DOCK2: variants seen among roughly 807,000 people sequenced by gnomAD.
The protein encoded by DOCK2 is dedicator of cytokinesis protein 2.
A neutral mutation model predicts 248.9 loss-of-function variants in DOCK2; 87 were observed. The observed-to-expected ratio is 0.35, with a 90% CI of 0.29 to 0.42. The LOEUF is 0.42. DOCK2 is among the 10% of genes least tolerant of loss of function. The probability of loss-of-function intolerance (pLI) is 1.00; values close to 1 mark genes in which losing one functional copy is unlikely to be tolerated. For synonymous variants in DOCK2, 805 were observed against 821.6 expected (o/e 0.98, Z 0.35); for missense variants, 1,747 against 2,300.2 (o/e 0.76, Z 4.92).
At chr5:169,802,936 A>G in intron 25 of DOCK2, 122 bp from the exon 26 acceptor site, 2 of 1,236,484 alleles carry the variant, frequency 1.6e-6, no homozygotes, top group Non-Finnish European at 2.2e-6. Flanking sequence ...TAATATTTTA[A>G]TTTTTTACAA....
rs552129956 is a variant in DOCK2 at position 169,843,872 on chromosome 5, A to T, written c.2799+3020A>T. On this transcript the variant is annotated intron_variant, in intron 27 of 51. Transcript: ENST00000520908. Reference sequence around the variant, plus strand: ...TTTTGAGGTTTGTCCATATTTTAGGATATATCAGTACTTCATTTCTTTTCA... The same window carrying T: ...TTTTGAGGTTTGTCCATATTTTAGGTTATATCAGTACTTCATTTCTTTTCA... Among the ~76,000 whole-genome samples the T allele has an allele frequency of 3.3e-5, 5 of 152,316 alleles. No homozygotes were observed. The South Asian group carries it at 8.3e-4, about 25-fold the overall frequency.
Position 169,902,825 on chromosome 5 carries a change from C to T in DOCK2, c.2799+61973C>T, listed in dbSNP as rs569115117. ...CATAAAAGAAAGGGGTGAGGCCAGGCGTGGTGGCTCACGCCTGTAATCCCA... is the reference window on the plus strand; with the variant it reads ...CATAAAAGAAAGGGGTGAGGCCAGGTGTGGTGGCTCACGCCTGTAATCCCA... On this transcript the variant is annotated intron_variant, in intron 27 of 51. Transcript: ENST00000520908. 2.0e-4 allele frequency among the ~76,000 whole-genome samples: 31 copies of T among 152,204 alleles called. 1 individual carries two copies. Among genetic ancestry groups the T allele is most frequent in the African/African-American group, 6.0e-4 (25 of 41,552 alleles).
rs545367574 is a variant in DOCK2 at position 170,078,159 on chromosome 5, A to G, written c.4994+322A>G. ...CACCAAGCCTGCATCCTTCTGGAATATTGTCACCTCTCATAGGGATCTGTT... is the reference window on the plus strand; with the variant it reads ...CACCAAGCCTGCATCCTTCTGGAATGTTGTCACCTCTCATAGGGATCTGTT... On this transcript the variant is annotated intron_variant, in intron 48 of 51. Transcript: ENST00000520908. Among the ~76,000 whole-genome samples, 3 of 152,166 alleles carry G rather than the reference A, an allele frequency of 2.0e-5. No homozygotes were observed. In the East Asian group the frequency reaches 5.8e-4, roughly 29 times the overall value.
chr5:169,999,654 G>T (rs1284257803), intron 30 of DOCK2, among the ~76,000 whole-genome samples: 9 of 152,146 alleles, frequency 5.9e-5, no homozygotes. Context: ...GCTATTTATT[G>T]AAAAGTACCC....
At chr5:169,876,710 C>G (rs1050866449) in intron 27 of DOCK2, among the ~76,000 whole-genome samples, 1 of 152,238 alleles carries the variant, frequency 6.6e-6, no homozygotes, top group African/African-American at 2.4e-5. Context: ...GAACCAGTTA[C>G]ATAGAAGCCC....
At chr5:169,988,113 A>G (rs1321233749) in intron 29 of DOCK2, among the ~76,000 whole-genome samples, 1 of 152,244 alleles carries the variant, frequency 6.6e-6, no homozygotes, top group African/African-American at 2.4e-5. Context: ...CTAAAGAAGC[A>G]TGTGTTAATG....
intron 34 of DOCK2, among the ~76,000 whole-genome samples, chr5:170,031,022 T>G (rs1756117580): frequency 6.6e-6 from 1 of 152,236 alleles, no homozygotes; most frequent in African/African-American, 2.4e-5. Flanking sequence ...TATATAACCT[T>G]ACACAGCACT....
chr5:170,048,989 G>A (rs1286355901), intron 40 of DOCK2, among the ~76,000 whole-genome samples: 1 of 152,188 alleles, frequency 6.6e-6, no homozygotes, highest in African/African-American at 2.4e-5. Context: ...TGGGCCTGCA[G>A]GAGTGATTGC....
chr5:170,076,438 A>C (rs1313876701), intron 47 of DOCK2, among the ~76,000 whole-genome samples: 1 of 152,250 alleles, frequency 6.6e-6, no homozygotes, highest in Non-Finnish European at 1.5e-5. Flanking sequence ...CCTGAGAGGC[A>C]GGAAAGATTT....
Position 169,810,490 on chromosome 5 carries a change from G to C in DOCK2, c.2703+7284G>C, listed in dbSNP as rs183796597. 1.6e-4 allele frequency among the ~76,000 whole-genome samples: 24 copies of C among 152,300 alleles called. 1 individual carries two copies. Among genetic ancestry groups the C allele is most frequent in the African/African-American group, 5.3e-4 (22 of 41,558 alleles). ...AAAGACAGAAGGAGCTCTCTTGGGC[G>C]CAGCAAAGCAGTTGGTTATTGTAAG... On this transcript the variant is annotated intron_variant, in intron 26 of 51. Transcript: ENST00000520908.
At chr5:169,665,473 T>TAC (rs973020551) in intron 2 of DOCK2, among the ~76,000 whole-genome samples, 1 of 141,800 alleles carries the variant, frequency 7.1e-6, no homozygotes, top group South Asian at 2.3e-4. Flanking sequence ...TATATGTATA[T>TAC]ACACACACAT....
intron 27 of DOCK2, among the ~76,000 whole-genome samples, chr5:169,943,984 G>A (rs1776347163): frequency 6.6e-6 from 1 of 152,214 alleles, no homozygotes; most frequent in South Asian, 2.1e-4. Context: ...GTAAGAGTGG[G>A]CTAATAGCAT....
chr5:169,761,660 G>T, intron 25 of DOCK2, 35 bp downstream of exon 25: 1 of 1,582,162 alleles, frequency 6.3e-7, no homozygotes, highest in Non-Finnish European at 8.7e-7. Flanking sequence ...GGTGGGGTAA[G>T]GGGCCAATAA....
At chr5:169,982,299 A>C (rs1777963647) in intron 27 of DOCK2, among the ~76,000 whole-genome samples, 1 of 151,878 alleles carries the variant, frequency 6.6e-6, no homozygotes, top group South Asian at 2.1e-4. Context: ...GACACAGAAA[A>C]CTCACCCTGA....
At chr5:170,057,537 T>C (rs950462788) in intron 43 of DOCK2, 43 bp from the exon 44 acceptor site, 1 of 1,576,386 alleles carries the variant, frequency 6.3e-7, no homozygotes. Context: ...CATAAATGTG[T>C]TTGTTGCTTT....
At chr5:169,979,109 A>G (rs955286066) in intron 27 of DOCK2, among the ~76,000 whole-genome samples, 23 of 152,118 alleles carry the variant, frequency 1.5e-4, no homozygotes, top group African/African-American at 5.6e-4. Flanking sequence ...CGGGATGAAA[A>G]GAGGGGGATT....
At chr5:169,877,380 A>G (rs1473811872) in intron 27 of DOCK2, among the ~76,000 whole-genome samples, 1 of 152,200 alleles carries the variant, frequency 6.6e-6, no homozygotes, top group East Asian at 1.9e-4. Flanking sequence ...TCAAGTGACA[A>G]ATGATGAGAG....
intron 27 of DOCK2, among the ~76,000 whole-genome samples, chr5:169,938,201 A>G (rs1337799361): frequency 1.3e-5 from 2 of 152,108 alleles, no homozygotes; most frequent in Non-Finnish European, 2.9e-5. Flanking sequence ...TGCCACCTTA[A>G]AGAAATCTTT....
chr5:169,733,047 G>A (rs1762863187), intron 22 of DOCK2, among the ~76,000 whole-genome samples: 2 of 152,096 alleles, frequency 1.3e-5, no homozygotes, highest in South Asian at 4.1e-4. Context: ...GTTATGAAGA[G>A]ATAAGAGGTT....
Sources: gnomAD v4.1 joint callset for allele counts (sites outside exome capture counted in the v4.1 genomes callset) on GRCh38, gnomAD v4.1.1 for gene constraint, MANE v1.5 for transcripts, NCBI Gene and HGNC (gene_info 2026-07-23, HGNC 2026-07-21) for gene names.